The following KCNK10 variants were observed in gnomAD, a reference collection of about 807,000 sequenced individuals.
KCNK10 encodes the protein potassium two pore domain channel subfamily K member 10, also known as potassium channel subfamily K member 10.
Under a neutral mutation model 47.7 loss-of-function variants are expected in KCNK10, and 25 were observed. The ratio of observed to expected loss-of-function variants is 0.52; its 90% CI spans 0.38 to 0.73. KCNK10 has a LOEUF of 0.73. Ranked by LOEUF, KCNK10 falls within the 30% of genes least tolerant of loss-of-function variation. The pLI, the probability that KCNK10 is intolerant of heterozygous loss-of-function variation, is 0.00. For synonymous variants in KCNK10, 303 were observed against 285.6 expected (o/e 1.06, Z -0.61); for missense variants, 563 against 714.5 (o/e 0.79, Z 2.42).
chr14:88,273,294 C>T (rs1001306875), intron 1 of KCNK10, among the ~76,000 whole-genome samples: 1 of 152,122 alleles, frequency 6.6e-6, no homozygotes, highest in Non-Finnish European at 1.5e-5. Context: ...TAGATCTTAT[C>T]CCAGTCTCTG....
chr14:88,207,695 A>T (rs1425000329), intron 4 of KCNK10, among the ~76,000 whole-genome samples: 1 of 152,216 alleles, frequency 6.6e-6, no homozygotes, highest in Non-Finnish European at 1.5e-5. Flanking sequence ...GTATGGATTA[A>T]GTGCTCTCTG....
chr14:88,210,784 C>G (rs1885429364), intron 4 of KCNK10, among the ~76,000 whole-genome samples: 1 of 141,302 alleles, frequency 7.1e-6, no homozygotes, highest in African/African-American at 2.7e-5. Flanking sequence ...GGCAGTCAGA[C>G]AGCAATTTAC....
intron 1 of KCNK10, among the ~76,000 whole-genome samples, chr14:88,307,104 T>C (rs1888218263): frequency 6.6e-6 from 1 of 152,150 alleles, no homozygotes; most frequent in African/African-American, 2.4e-5. Flanking sequence ...GGCCAAGGTC[T>C]TGCCTTGGAG....
chr14:88,181,073 G>C lies in KCNK10; in HGVS notation c.*4462C>G, dbSNP rs920704694. 8.0e-6 allele frequency: 3 copies of C among 373,320 alleles called. No homozygotes were observed. Among genetic ancestry groups the C allele is most frequent in the African/African-American group, 4.2e-5 (2 of 47,950 alleles). The allele number at this position is 373,320 out of a possible 1,614,324, so 23.1% of individuals were successfully genotyped here. On this transcript the variant is annotated 3_prime_UTR_variant, in exon 7 of 7. Coordinates refer to ENST00000319231, the MANE Select transcript of KCNK10 (RefSeq NM_138317.3). ...GAGATGTGGAATGCAACACTGGCTGGTTTTTCCTTTCTCGTTTTACAGGGG... is the reference window on the plus strand; with the variant it reads ...GAGATGTGGAATGCAACACTGGCTGCTTTTTCCTTTCTCGTTTTACAGGGG...
chr14:88,264,323 C>A, intron 1 of KCNK10, among the ~76,000 whole-genome samples: 1 of 152,210 alleles, frequency 6.6e-6, no homozygotes, highest in East Asian at 1.9e-4. Context: ...ATGACGCACA[C>A]GCAATGCTAT....
chr14:88,323,380 G>T, upstream of KCNK10: 1 of 835,268 alleles, frequency 1.2e-6, no homozygotes, highest in Non-Finnish European at 1.4e-6. Flanking sequence ...AAAGCCATTG[G>T]ATGTAGGGGT....
intron 1 of KCNK10, among the ~76,000 whole-genome samples, chr14:88,283,398 A>C (rs1006508338): frequency 3.3e-5 from 5 of 152,370 alleles, no homozygotes; most frequent in African/African-American, 1.2e-4. Flanking sequence ...ATGGTAATAC[A>C]GATTTGCCGG....
intron 1 of KCNK10, among the ~76,000 whole-genome samples, chr14:88,304,815 G>C (rs1888173877): frequency 6.6e-6 from 1 of 152,196 alleles, no homozygotes; most frequent in Admixed American, 6.5e-5. Flanking sequence ...GTGGCTGTGA[G>C]TTCAATGCTA....
At chr14:88,262,872 T>C (rs778198627) in intron 2 of KCNK10, among the ~76,000 whole-genome samples, 5 of 152,156 alleles carry the variant, frequency 3.3e-5, no homozygotes, top group Non-Finnish European at 5.9e-5. Context: ...TCGGGTTCTA[T>C]CCCAGCATTC....
intron 2 of KCNK10, among the ~76,000 whole-genome samples, chr14:88,249,975 T>C (rs1886749326): frequency 6.6e-6 from 1 of 152,154 alleles, no homozygotes; most frequent in Non-Finnish European, 1.5e-5. Context: ...ATAAGAGCAA[T>C]TGTAGGAACG....
At chr14:88,203,044 G>A (rs920439792) in intron 4 of KCNK10, among the ~76,000 whole-genome samples, 3 of 152,200 alleles carry the variant, frequency 2.0e-5, no homozygotes, top group African/African-American at 7.2e-5. Context: ...TGGGGTGGCA[G>A]GCAGGAGCAG....
intron 4 of KCNK10, among the ~76,000 whole-genome samples, chr14:88,209,127 T>C (rs1165475184): frequency 6.6e-6 from 1 of 152,202 alleles, no homozygotes; most frequent in Non-Finnish European, 1.5e-5. Flanking sequence ...AAAACCCATC[T>C]TCCGAGGATC....
At chr14:88,310,598 C>A (rs1466420624) in intron 1 of KCNK10, among the ~76,000 whole-genome samples, 1 of 152,114 alleles carries the variant, frequency 6.6e-6, no homozygotes, top group East Asian at 1.9e-4. Flanking sequence ...GAGATTATTG[C>A]CTGAGCAGCA....
upstream of KCNK10, chr14:88,326,690 C>T (rs1440761720): frequency 3.6e-6 from 2 of 561,948 alleles, no homozygotes; most frequent in Admixed American, 3.3e-5. Flanking sequence ...TGCTACCGGG[C>T]ACGGGTCTCT....
chr14:88,183,536 A>G lies in KCNK10; in HGVS notation c.*1999T>C, dbSNP rs1884437905. ...CAGGCTGGAATGATTCCCATAGTAA[A>G]ACTCAACATCCACACCTGCATAAAC... On this transcript the variant is annotated 3_prime_UTR_variant, in exon 7 of 7. Transcript: ENST00000319231. 6.6e-6 allele frequency: 1 copy of G among 152,356 alleles called. No individual in the cohort carries two copies. Among genetic ancestry groups the G allele is most frequent in the Non-Finnish European group, 1.5e-5 (1 of 68,038 alleles). The allele number at this position is 152,356 out of a possible 1,614,324, so 9.4% of individuals were successfully genotyped here.
At chr14:88,228,721 G>A (rs563401820) in intron 3 of KCNK10, among the ~76,000 whole-genome samples, 11 of 152,216 alleles carry the variant, frequency 7.2e-5, no homozygotes, top group South Asian at 2.1e-4. Flanking sequence ...TTCTGCCTTC[G>A]GGAATGAGTC....
chr14:88,241,459 T>C (rs1046912873), intron 2 of KCNK10, among the ~76,000 whole-genome samples: 1 of 152,088 alleles, frequency 6.6e-6, no homozygotes, highest in Non-Finnish European at 1.5e-5. Flanking sequence ...TACCAAACAG[T>C]AGCCAATTTC....
At chr14:88,292,238 G>A (rs1404070368) in intron 1 of KCNK10, among the ~76,000 whole-genome samples, 1 of 152,218 alleles carries the variant, frequency 6.6e-6, no homozygotes, top group Non-Finnish European at 1.5e-5. Flanking sequence ...TGCACAAGGA[G>A]GGAAAAGGAA....
chr14:88,315,868 G>A (rs1221387107), intron 1 of KCNK10, among the ~76,000 whole-genome samples: 5 of 152,100 alleles, frequency 3.3e-5, no homozygotes, highest in Non-Finnish European at 5.9e-5. Flanking sequence ...GCAGGATTTG[G>A]GGGGATGGCG....
Sources: allele counts gnomAD v4.1 joint callset (sites outside exome capture counted in the v4.1 genomes callset), GRCh38; gene constraint gnomAD v4.1.1; transcripts MANE v1.5; gene names NCBI Gene and HGNC (gene_info 2026-07-23, HGNC 2026-07-21).